Variants in SYT16 observed in about 807,000 individuals in gnomAD.
SYT16 encodes the protein synaptotagmin-16.
A neutral mutation model predicts 61.4 loss-of-function variants in SYT16; 42 were observed. The observed-to-expected ratio is 0.68, with a 90% CI of 0.53 to 0.89. The LOEUF (loss-of-function observed/expected upper bound fraction) is 0.89. SYT16 is among the 40% of genes least tolerant of loss of function. The pLI is 0.00. For synonymous variants in SYT16, 314 were observed against 302.3 expected, an observed-to-expected ratio of 1.04 and a Z score of -0.40; for missense variants, 804 against 807.3, an observed-to-expected ratio of 1.00 and a Z score of 0.05.
At position 61,943,535 on chromosome 14, in the gene SYT16, C is replaced by T. The variant is rs1215181740; in HGVS notation, c.-324-26597C>T. Reference sequence around the variant, plus strand: ...AGCACATCAAAAAGCGTATCCACCACGATCAAGTCGGCTTCATCCCTGGGA... The same window carrying T: ...AGCACATCAAAAAGCGTATCCACCATGATCAAGTCGGCTTCATCCCTGGGA... On this transcript the variant is annotated intron_variant, in intron 1 of 7. Coordinates refer to ENST00000683842, the MANE Select transcript of SYT16 (RefSeq NM_001367656.1). Among the ~76,000 whole-genome samples, 11 of 152,156 alleles carry T rather than the reference C, an allele frequency of 7.2e-5. No individual in the cohort carries two copies. The East Asian group carries it at 9.6e-4, about 13-fold the overall frequency.
intron 2 of SYT16, among the ~76,000 whole-genome samples, chr14:61,989,683 T>G (rs2052467431): frequency 6.6e-6 from 1 of 152,236 alleles, no homozygotes; most frequent in Non-Finnish European, 1.5e-5. Flanking sequence ...TGAGAACATT[T>G]AGATGCACTC....
intron 3 of SYT16, among the ~76,000 whole-genome samples, chr14:62,013,946 A>C (rs1195898540): frequency 6.6e-6 from 1 of 151,694 alleles, no homozygotes; most frequent in Non-Finnish European, 1.5e-5. Flanking sequence ...CCTGCGCAAC[A>C]GAGCGAGATT....
chr14:62,050,109 C>A (rs796850852), intron 3 of SYT16, among the ~76,000 whole-genome samples: 7 of 152,328 alleles, frequency 4.6e-5, no homozygotes, highest in African/African-American at 1.7e-4. Context: ...TCAGGTACAC[C>A]AGTCAGACAT....
chr14:61,951,047 T>C (rs191739373), intron 1 of SYT16, among the ~76,000 whole-genome samples: 6 of 152,348 alleles, frequency 3.9e-5, no homozygotes, highest in Admixed American at 3.9e-4. Flanking sequence ...ATCTGAGCTT[T>C]AAAAAGGGAC....
At chr14:61,982,862 A>G (rs1323150844) in intron 2 of SYT16, among the ~76,000 whole-genome samples, 1 of 152,268 alleles carries the variant, frequency 6.6e-6, no homozygotes, top group East Asian at 1.9e-4. Flanking sequence ...TCTTCTCTGG[A>G]TGTCGTCTTC....
chr14:62,002,137 A>G (rs1351215090), intron 3 of SYT16, among the ~76,000 whole-genome samples: 1 of 152,046 alleles, frequency 6.6e-6, no homozygotes, highest in Non-Finnish European at 1.5e-5. Flanking sequence ...CTTGTAATTT[A>G]TGACTGAAAA....
rs888607889 is a variant in SYT16 at position 62,080,920 on chromosome 14, T to C, written c.1080T>C (p.Tyr360=). The part of the protein sequence containing the change: ...KCGDLDVIFE[Y]RAASQKLTVT... Reference sequence around the variant, plus strand: ...GTGACCTAGATGTCATCTTTGAATATAGAGCCGCCAGCCAGAAGCTCACAG... The same window carrying C: ...GTGACCTAGATGTCATCTTTGAATACAGAGCCGCCAGCCAGAAGCTCACAG... The change falls in exon 6 of 8, where the codon TAT becomes TAC. Residue 360 remains tyrosine, a synonymous_variant. Transcript: ENST00000683842. The C allele has an allele frequency of 3.1e-6, 5 of 1,607,620 alleles. No individual in the cohort carries two copies. The highest frequency in any genetic ancestry group is 4.2e-6 in the Non-Finnish European group (5 of 1,177,042).
At chr14:61,913,733 T>TGTGTGTGTGTGTGTGTGA (rs2049018304) in intron 1 of SYT16, among the ~76,000 whole-genome samples, 1 of 151,530 alleles carries the variant, frequency 6.6e-6, no homozygotes, top group African/African-American at 2.4e-5. Context: ...TGTGTGTGTG[T>TGTGTGTGTGTGTGTGTGA]GAAATAAAAC....
chr14:62,068,223 T>C (rs2056142897), intron 3 of SYT16, among the ~76,000 whole-genome samples: 1 of 150,914 alleles, frequency 6.6e-6, no homozygotes, highest in South Asian at 2.1e-4. Flanking sequence ...GATTTTTATA[T>C]TGACAATGAA....
chr14:61,815,068 A>G (rs1377245870), intron 1 of SYT16, among the ~76,000 whole-genome samples: 1 of 152,232 alleles, frequency 6.6e-6, no homozygotes, highest in Non-Finnish European at 1.5e-5. Flanking sequence ...CTTAAACTTT[A>G]ACATGCATCA....
At chr14:61,877,276 C>T (rs2047533357) in intron 1 of SYT16, among the ~76,000 whole-genome samples, 1 of 152,086 alleles carries the variant, frequency 6.6e-6, no homozygotes, top group African/African-American at 2.4e-5. Flanking sequence ...GCATTCTTGT[C>T]TGCACCTCAG....
At chr14:62,012,396 T>G (rs1251075163) in intron 3 of SYT16, among the ~76,000 whole-genome samples, 1 of 152,202 alleles carries the variant, frequency 6.6e-6, no homozygotes, top group African/African-American at 2.4e-5. Context: ...GAGGCTACCT[T>G]GCCACGTAGG....
At chr14:61,982,173 T>A (rs1424191015) in intron 2 of SYT16, among the ~76,000 whole-genome samples, 10 of 152,194 alleles carry the variant, frequency 6.6e-5, no homozygotes, top group Non-Finnish European at 1.5e-4. Flanking sequence ...CTGAGAATTC[T>A]AGGCAGCCCT....
chr14:61,841,275 C>T (rs2046293368), intron 1 of SYT16, among the ~76,000 whole-genome samples: 1 of 152,176 alleles, frequency 6.6e-6, no homozygotes, highest in Non-Finnish European at 1.5e-5. Flanking sequence ...TCTTAGCAGA[C>T]ATTGTATGGG....
intron 3 of SYT16, among the ~76,000 whole-genome samples, chr14:62,028,608 A>G (rs919844442): frequency 5.3e-5 from 8 of 152,334 alleles, no homozygotes; most frequent in African/African-American, 1.7e-4. Context: ...TGTGTTAATT[A>G]TAAGTGTCAA....
intron 3 of SYT16, among the ~76,000 whole-genome samples, chr14:62,010,559 G>T (rs1308165671): frequency 6.6e-6 from 1 of 152,054 alleles, no homozygotes; most frequent in Non-Finnish European, 1.5e-5. Flanking sequence ...CTGGTCATCG[G>T]TAATACCATC....
rs2052749630 is a variant in SYT16, at chr14:61,995,945, T to C, written c.-75T>C. 3.3e-5 allele frequency: 47 copies of C among 1,418,234 alleles called. No homozygotes were observed. The South Asian group carries it at 6.4e-4, about 19-fold the overall frequency. The allele number at this position is 1,418,234 out of a possible 1,614,324, so 87.9% of individuals were successfully genotyped here. ...CCAAATTAATTTCTCAACATGCTTA[T>C]TCTATAGTTCACATTCAATCCAGAG... On this transcript the variant is annotated 5_prime_UTR_variant, in exon 3 of 8. Transcript: ENST00000683842.
intron 3 of SYT16, among the ~76,000 whole-genome samples, chr14:62,031,023 T>G (rs1001158324): frequency 1.3e-5 from 2 of 152,220 alleles, no homozygotes; most frequent in Non-Finnish European, 2.9e-5. Context: ...TGCCTCACAG[T>G]ATTGCTGTGA....
chr14:61,865,221 C>A, intron 1 of SYT16: 1 of 1,065,504 alleles, frequency 9.4e-7, no homozygotes, highest in Non-Finnish European at 1.4e-6. Flanking sequence ...GATTCTGGGG[C>A]ACCCCATCTG....
Sources: gnomAD v4.1 joint callset for allele counts (sites outside exome capture counted in the v4.1 genomes callset) on GRCh38, gnomAD v4.1.1 for gene constraint, MANE v1.5 for transcripts, NCBI Gene and HGNC (gene_info 2026-07-23, HGNC 2026-07-21) for gene names.